Variants in ADARB2 observed in about 807,000 individuals in gnomAD.
ADARB2 encodes the protein adenosine deaminase RNA specific B2 (inactive).
Under a neutral mutation model 62.2 loss-of-function variants are expected in ADARB2, and 25 were observed. The ratio of observed to expected loss-of-function variants is 0.40; its 90% CI spans 0.29 to 0.56. The LOEUF (loss-of-function observed/expected upper bound fraction) is 0.56, where lower values mean the gene tolerates loss of function less well. Ranked by LOEUF, ADARB2 falls within the 20% of genes least tolerant of loss-of-function variation. The pLI is 0.43. For synonymous variants in ADARB2, 572 were observed against 500.8 expected (o/e 1.14, Z -1.90); for missense variants, 1,071 against 1,077.4 (o/e 0.99, Z 0.08).
chr10:1,263,206 C>T (rs1278073495), intron 4 of ADARB2, among the ~76,000 whole-genome samples: 1 of 151,946 alleles, frequency 6.6e-6, no homozygotes, highest in African/African-American at 2.4e-5. Flanking sequence ...GGGTGCAGCA[C>T]ACCAACATGG....
intron 1 of ADARB2, among the ~76,000 whole-genome samples, chr10:1,614,430 A>C (rs1833605810): frequency 6.6e-6 from 1 of 152,246 alleles, no homozygotes; most frequent in Non-Finnish European, 1.5e-5. Flanking sequence ...TATTTATCTA[A>C]ATTAAGGATC....
chr10:1,444,327 A>T, intron 1 of ADARB2, among the ~76,000 whole-genome samples: 1 of 115,164 alleles, frequency 8.7e-6, no homozygotes, highest in African/African-American at 3.5e-5. Context: ...TCATCCTTCC[A>T]TCCACCCAGC....
At chr10:1,444,145 C>T (rs1188332119) in intron 1 of ADARB2, among the ~76,000 whole-genome samples, 1 of 151,228 alleles carries the variant, frequency 6.6e-6, no homozygotes, top group Non-Finnish European at 1.5e-5. Flanking sequence ...CACCCACTCA[C>T]TCATTCATCC....
intron 1 of ADARB2, among the ~76,000 whole-genome samples, chr10:1,732,527 A>T (rs1200321249): frequency 6.6e-6 from 1 of 152,202 alleles, no homozygotes; most frequent in Non-Finnish European, 1.5e-5. Context: ...AGAGGCACTG[A>T]TACAAAATTT....
intron 5 of ADARB2, among the ~76,000 whole-genome samples, chr10:1,241,740 C>A (rs113095760): frequency 6.6e-6 from 1 of 152,196 alleles, no homozygotes; most frequent in African/African-American, 2.4e-5. Context: ...AAGAAGACAG[C>A]GCGTCTCCAA....
chr10:1,696,329 GTTC>G (rs1250814544), intron 1 of ADARB2, among the ~76,000 whole-genome samples: 1 of 152,090 alleles, frequency 6.6e-6, no homozygotes, highest in African/African-American at 2.4e-5. Context: ...TGTGTTTTGT[GTTC>G]ATGTGCATTG....
intron 1 of ADARB2, among the ~76,000 whole-genome samples, chr10:1,480,494 T>G (rs563795982): frequency 1.3e-5 from 2 of 152,158 alleles, no homozygotes; most frequent in Non-Finnish European, 2.9e-5. Flanking sequence ...GTCAGGAGAT[T>G]GAGACCATCC....
intron 1 of ADARB2, among the ~76,000 whole-genome samples, chr10:1,689,726 T>G (rs1471361281): frequency 6.6e-6 from 1 of 152,220 alleles, no homozygotes; most frequent in East Asian, 1.9e-4. Flanking sequence ...ATAAACATCC[T>G]TATTCAAAAT....
At position 1,617,958 on chromosome 10, in the gene ADARB2, C is replaced by T. The variant is rs145549384; in HGVS notation, c.100+119093G>A. ...TCTTCCCCTCCAACTACAGATTTCCCTGAGTTCAGTGAATTGCTGTCCACT... is the reference window on the plus strand; with the variant it reads ...TCTTCCCCTCCAACTACAGATTTCCTTGAGTTCAGTGAATTGCTGTCCACT... On this transcript the variant is annotated intron_variant, in intron 1 of 9. Coordinates refer to ENST00000381312, the MANE Select transcript of ADARB2 (RefSeq NM_018702.4). Among the ~76,000 whole-genome samples, 364 of 152,374 alleles carry T rather than the reference C, an allele frequency of 2.4e-3. 1 individual carries two copies. The highest frequency in any genetic ancestry group is 8.0e-3 in the African/African-American group (334 of 41,586).
rs527325649 is a variant in ADARB2, at chr10:1,398,096, C to T, written c.101-18936G>A. Among the ~76,000 whole-genome samples, 1 of 146,278 alleles carries T rather than the reference C, an allele frequency of 6.8e-6. No homozygotes were observed. The highest frequency in any genetic ancestry group is 2.6e-5 in the African/African-American group (1 of 39,008). On this transcript the variant is annotated intron_variant, in intron 1 of 9. Transcript: ENST00000381312. This position sits in a 1 kb window ranked among gnomAD's most constrained non-coding sequence, Gnocchi z 4.1. ...TTCCTGGGTCACCGCCCTCCTCTCC[C>T]CTCCCGAGTGCAGGCTTCCTGGGTC...
chr10:1,636,396 A>G (rs899369079), intron 1 of ADARB2, among the ~76,000 whole-genome samples: 1 of 152,172 alleles, frequency 6.6e-6, no homozygotes, highest in Non-Finnish European at 1.5e-5. Flanking sequence ...GTGAGCCTGT[A>G]GTCCCAGCTA....
chr10:1,610,325 C>G (rs953469212), intron 1 of ADARB2, among the ~76,000 whole-genome samples: 5 of 152,220 alleles, frequency 3.3e-5, no homozygotes, highest in African/African-American at 1.2e-4. Context: ...CCACAGGCCC[C>G]TTTCTCCTAG....
rs141116396 is a variant in ADARB2 at position 1,525,077 on chromosome 10, G to C, written c.101-145917C>G. On this transcript the variant is annotated intron_variant, in intron 1 of 9. Coordinates refer to ENST00000381312, the MANE Select transcript of ADARB2 (RefSeq NM_018702.4). ...ATAATAATAATAACTTCACGAACAGGAAGAGATTCTATAAATCCTGAGTTT... is the reference window on the plus strand; with the variant it reads ...ATAATAATAATAACTTCACGAACAGCAAGAGATTCTATAAATCCTGAGTTT... 1.4e-3 allele frequency among the ~76,000 whole-genome samples: 220 copies of C among 152,226 alleles called. 1 individual carries two copies. Among genetic ancestry groups the C allele is most frequent in the African/African-American group, 4.9e-3 (205 of 41,518 alleles).
chr10:1,243,251 G>T (rs1399881869), intron 4 of ADARB2, among the ~76,000 whole-genome samples: 2 of 152,250 alleles, frequency 1.3e-5, no homozygotes, highest in South Asian at 4.1e-4. Flanking sequence ...GGCCCGGATC[G>T]CAGGCCAAGG....
intron 1 of ADARB2, among the ~76,000 whole-genome samples, chr10:1,595,671 A>G (rs1271872288): frequency 6.6e-6 from 1 of 152,172 alleles, no homozygotes; most frequent in Admixed American, 6.5e-5. Flanking sequence ...GACCCCAGAG[A>G]GACCAGAGAG....
intron 1 of ADARB2, among the ~76,000 whole-genome samples, chr10:1,661,842 G>A (rs1834252687): frequency 6.6e-6 from 1 of 152,178 alleles, no homozygotes; most frequent in Admixed American, 6.5e-5. Flanking sequence ...GGAGAATCAG[G>A]CACTCAAGTC....
chr10:1,710,548 C>T (rs1267624947), intron 1 of ADARB2, among the ~76,000 whole-genome samples: 2 of 152,234 alleles, frequency 1.3e-5, no homozygotes, highest in Non-Finnish European at 2.9e-5. Context: ...GCACCTTCCC[C>T]TCCTTCCCAC....
intron 1 of ADARB2, among the ~76,000 whole-genome samples, chr10:1,409,761 ATAGGGAATGACTGACAG>A (rs1832741944): frequency 1.7e-5 from 2 of 117,716 alleles, no homozygotes. Context: ...GGTCGTGGTC[ATAGGGAATGACTGACAG>A]TGGTGCTGAG....
At chr10:1,486,020 G>A (rs1329162641) in intron 1 of ADARB2, among the ~76,000 whole-genome samples, 1 of 152,222 alleles carries the variant, frequency 6.6e-6, no homozygotes, top group Non-Finnish European at 1.5e-5. Context: ...AAGCTCTGAG[G>A]TGCTGTATTT....
Sources: allele counts gnomAD v4.1 joint callset (sites outside exome capture counted in the v4.1 genomes callset), GRCh38; gene constraint gnomAD v4.1.1; non-coding constraint Gnocchi (gnomAD v3.1); transcripts MANE v1.5; gene names NCBI Gene and HGNC (gene_info 2026-07-23, HGNC 2026-07-21).